Variants in RGS20 observed in about 807,000 individuals in gnomAD.
The protein encoded by RGS20 is regulator of G protein signaling 20.
A neutral mutation model predicts 33.6 loss-of-function variants in RGS20; 30 were observed. That is an observed-to-expected ratio of 0.89 (90% CI 0.67 to 1.21). The LOEUF (loss-of-function observed/expected upper bound fraction) is 1.21. Among genes scored for constraint, RGS20 ranks in the 50% most tolerant of loss-of-function variants. The pLI, the probability that RGS20 is intolerant of heterozygous loss-of-function variation, is 0.00. For synonymous variants in RGS20, 208 were observed against 197.9 expected (o/e 1.05, Z -0.43); for missense variants, 472 against 502.4 (o/e 0.94, Z 0.58).
chr8:53,876,311 C>T (rs1012036207), intron 1 of RGS20: 2 of 152,186 alleles, frequency 1.3e-5, no homozygotes, highest in African/African-American at 2.4e-5. Flanking sequence ...CGGATTTAGG[C>T]TGTGGCGATT....
chr8:53,912,936 C>T (rs1225275069), intron 2 of RGS20, among the ~76,000 whole-genome samples: 3 of 151,906 alleles, frequency 2.0e-5, no homozygotes, highest in Non-Finnish European at 4.4e-5. Context: ...CATAGTTTTA[C>T]ACATATTTTA....
chr8:53,910,188 A>T (rs1813313513), intron 2 of RGS20, among the ~76,000 whole-genome samples: 1 of 152,200 alleles, frequency 6.6e-6, no homozygotes, highest in Non-Finnish European at 1.5e-5. Context: ...ACATGAAGAA[A>T]GCCATGTAGC....
chr8:53,868,145 C>T (rs1811962882), intron 1 of RGS20, among the ~76,000 whole-genome samples: 1 of 152,300 alleles, frequency 6.6e-6, no homozygotes, highest in East Asian at 1.9e-4. Flanking sequence ...ATTCAACCTC[C>T]TGTGTAGGCT....
At chr8:53,928,005 T>G (rs1813852091) in intron 2 of RGS20, among the ~76,000 whole-genome samples, 1 of 152,198 alleles carries the variant, frequency 6.6e-6, no homozygotes, top group African/African-American at 2.4e-5. Flanking sequence ...TGACTCAACA[T>G]CAAGAAATGC....
intron 1 of RGS20, among the ~76,000 whole-genome samples, chr8:53,866,455 C>A (rs1044084447): frequency 2.0e-5 from 3 of 151,906 alleles, no homozygotes; most frequent in Admixed American, 1.3e-4. Flanking sequence ...CGGCTCACTG[C>A]AACCTCCGCC....
chr8:53,923,221 C>T (rs932891006), intron 2 of RGS20, among the ~76,000 whole-genome samples: 3 of 152,084 alleles, frequency 2.0e-5, no homozygotes, highest in African/African-American at 7.2e-5. Flanking sequence ...CGTGAGCCAC[C>T]GAACCTGGCC....
At chr8:53,936,922 G>A (rs1814152048) in intron 2 of RGS20, among the ~76,000 whole-genome samples, 1 of 152,068 alleles carries the variant, frequency 6.6e-6, no homozygotes, top group Admixed American at 6.5e-5. Context: ...ACAGAACAGA[G>A]GCCTCAGAAA....
At chr8:53,940,714 C>G (rs911503860) in intron 3 of RGS20, among the ~76,000 whole-genome samples, 1 of 152,164 alleles carries the variant, frequency 6.6e-6, no homozygotes, top group African/African-American at 2.4e-5. Context: ...ATCCCGATAC[C>G]GATGGTCTCT....
chr8:53,929,860 GAGTTAAAATTAAA>G (rs1813906079), intron 2 of RGS20, among the ~76,000 whole-genome samples: 1 of 152,146 alleles, frequency 6.6e-6, no homozygotes, highest in Admixed American at 6.5e-5. Context: ...TAGGGCTAGA[GAGTTAAAATTAAA>G]ATTTTTTTTA....
At chr8:53,880,803 G>A (rs1416648893) in intron 2 of RGS20, 69 bp from the exon 1 acceptor site, 3 of 1,322,114 alleles carry the variant, frequency 2.3e-6, no homozygotes, top group Non-Finnish European at 2.9e-6. Context: ...GGAGTGCGCC[G>A]CCGCTGGAGG....
intron 2 of RGS20, among the ~76,000 whole-genome samples, chr8:53,914,167 A>G (rs915983131): frequency 1.3e-5 from 2 of 151,880 alleles, no homozygotes; most frequent in Non-Finnish European, 2.9e-5. Context: ...AGTAACTAGT[A>G]CTATAGGCAT....
At chr8:53,944,140 C>T (rs868203993) in intron 3 of RGS20, among the ~76,000 whole-genome samples, 1 of 151,950 alleles carries the variant, frequency 6.6e-6, no homozygotes, top group Admixed American at 6.6e-5. Flanking sequence ...ATAAAGAAAA[C>T]CCAAATTGTC....
intron 2 of RGS20, among the ~76,000 whole-genome samples, chr8:53,914,513 C>T (rs1813431438): frequency 6.6e-6 from 1 of 152,156 alleles, no homozygotes; most frequent in South Asian, 2.1e-4. Flanking sequence ...ACTAGATAAT[C>T]TTAGTTTCTT....
intron 2 of RGS20, among the ~76,000 whole-genome samples, chr8:53,925,559 C>T (rs896658698): frequency 1.2e-4 from 18 of 152,148 alleles, no homozygotes; most frequent in Admixed American, 2.6e-4. Flanking sequence ...GGGCGGATCA[C>T]CTCAGGTCAG....
At chr8:53,871,371 A>G (rs1045864523) in intron 1 of RGS20, among the ~76,000 whole-genome samples, 8 of 151,736 alleles carry the variant, frequency 5.3e-5, no homozygotes, top group Admixed American at 5.3e-4. Context: ...TCAAGTCACA[A>G]TCACTTCTCA....
At chr8:53,947,513 A>C (rs940786746) in intron 4 of RGS20, among the ~76,000 whole-genome samples, 3 of 138,898 alleles carry the variant, frequency 2.2e-5, no homozygotes, top group Non-Finnish European at 4.5e-5. Flanking sequence ...TAGTATATAC[A>C]TTTATATATG....
At chr8:53,897,136 T>G (rs1028927275) in intron 2 of RGS20, among the ~76,000 whole-genome samples, 2 of 152,254 alleles carry the variant, frequency 1.3e-5, no homozygotes, top group Non-Finnish European at 2.9e-5. Context: ...TAAACACATC[T>G]TTTGTACATT....
intron 2 of RGS20, among the ~76,000 whole-genome samples, chr8:53,930,144 G>A (rs750558593): frequency 2.4e-4 from 36 of 152,328 alleles, no homozygotes; most frequent in Admixed American, 7.2e-4. Flanking sequence ...GAAGCAAAGA[G>A]ACTAGTGTGA....
At chr8:53,944,994 C>T (rs1814431112) in intron 3 of RGS20, among the ~76,000 whole-genome samples, 1 of 152,104 alleles carries the variant, frequency 6.6e-6, no homozygotes, top group African/African-American at 2.4e-5. Flanking sequence ...AAATTGGATC[C>T]CTCAAATATT....
Sources: allele counts gnomAD v4.1 joint callset (sites outside exome capture counted in the v4.1 genomes callset), GRCh38; gene constraint gnomAD v4.1.1; transcripts MANE v1.5; gene names NCBI Gene and HGNC (gene_info 2026-07-23, HGNC 2026-07-21).